Variants in FBXL17 observed in about 807,000 individuals in gnomAD.
FBXL17 encodes F-box and leucine rich repeat protein 17, also known as F-box/LRR-repeat protein 17.
Under a neutral mutation model 66.2 loss-of-function variants are expected in FBXL17, and 22 were observed. That is an observed-to-expected ratio of 0.33 (90% CI 0.24 to 0.47). The LOEUF is 0.47. FBXL17 is among the 20% of genes least tolerant of loss of function. FBXL17 has a pLI of 1.00. For missense variants in FBXL17, 878 were observed against 948.2 expected (o/e 0.93, Z 0.97); for synonymous variants, 474 against 400.5 (o/e 1.18, Z -2.19).
intron 7 of FBXL17, among the ~76,000 whole-genome samples, chr5:107,896,085 G>C (rs1007959657): frequency 1.3e-5 from 2 of 152,028 alleles, no homozygotes; most frequent in Non-Finnish European, 2.9e-5. Context: ...CACCTCTTCA[G>C]GGACTGGTAT....
intron 7 of FBXL17, among the ~76,000 whole-genome samples, chr5:107,902,325 A>C (rs1749594235): frequency 1.3e-5 from 2 of 152,212 alleles, no homozygotes; most frequent in Non-Finnish European, 2.9e-5. Context: ...AAAGGACAAG[A>C]GATTTCTCTG....
intron 1 of FBXL17, among the ~76,000 whole-genome samples, 181 bp downstream of exon 1, chr5:108,380,518 T>C (rs916096006): frequency 6.6e-6 from 1 of 152,132 alleles, no homozygotes; most frequent in Non-Finnish European, 1.5e-5. Flanking sequence ...CAAGTGCTCC[T>C]ACTTCAAAAA....
At chr5:107,930,786 C>A (rs1750703421) in intron 7 of FBXL17, among the ~76,000 whole-genome samples, 1 of 152,142 alleles carries the variant, frequency 6.6e-6, no homozygotes, top group Non-Finnish European at 1.5e-5. Flanking sequence ...AACTATTATG[C>A]ATGCATATTT....
chr5:108,188,978 G>T (rs1299848387), intron 5 of FBXL17, among the ~76,000 whole-genome samples: 1 of 152,186 alleles, frequency 6.6e-6, no homozygotes, highest in African/African-American at 2.4e-5. Context: ...AACGCTCTTT[G>T]CTGTGCTTTC....
intron 7 of FBXL17, among the ~76,000 whole-genome samples, chr5:108,019,855 G>GA (rs1455718290): frequency 6.6e-6 from 1 of 151,326 alleles, no homozygotes; most frequent in African/African-American, 2.4e-5. Flanking sequence ...GCAAAATTAG[G>GA]AAAAAACTCA....
chr5:108,336,503 A>G (rs1293428330), intron 4 of FBXL17, among the ~76,000 whole-genome samples: 1 of 152,210 alleles, frequency 6.6e-6, no homozygotes, highest in Non-Finnish European at 1.5e-5. Flanking sequence ...TGCCTGAAAC[A>G]GAAGGATGAA....
chr5:108,154,620 C>CAT (rs1751908959), intron 6 of FBXL17, among the ~76,000 whole-genome samples: 1 of 83,646 alleles, frequency 1.2e-5, no homozygotes, highest in Admixed American at 1.0e-4. Flanking sequence ...TATATATACA[C>CAT]ACACACACAC....
intron 4 of FBXL17, among the ~76,000 whole-genome samples, chr5:108,230,982 A>G (rs920894792): frequency 6.6e-6 from 1 of 152,156 alleles, no homozygotes; most frequent in Admixed American, 6.6e-5. Context: ...GCCCTGGCAC[A>G]GACCTATTAA....
intron 6 of FBXL17, among the ~76,000 whole-genome samples, chr5:108,095,244 AT>A (rs955573763): frequency 2.2e-4 from 33 of 147,508 alleles, no homozygotes; most frequent in Non-Finnish European, 3.8e-4. Context: ...ATACCATCAA[AT>A]GGTTAAAAAA....
intron 6 of FBXL17, among the ~76,000 whole-genome samples, chr5:108,040,646 C>G (rs982267460): frequency 6.6e-6 from 1 of 152,038 alleles, no homozygotes. Context: ...TAATATAATC[C>G]TTTCTACATA....
chr5:108,010,580 A>G (rs993249630), intron 7 of FBXL17, among the ~76,000 whole-genome samples: 2 of 152,234 alleles, frequency 1.3e-5, no homozygotes, highest in Non-Finnish European at 2.9e-5. Flanking sequence ...TTCGGGATGT[A>G]GCACAGACTT....
At chr5:108,030,962 A>T (rs1746601373) in intron 6 of FBXL17, among the ~76,000 whole-genome samples, 1 of 152,134 alleles carries the variant, frequency 6.6e-6, no homozygotes, top group African/African-American at 2.4e-5. Context: ...GAGATCTTTT[A>T]TTGAAAGGTA....
intron 6 of FBXL17, among the ~76,000 whole-genome samples, chr5:108,026,746 T>G (rs1224794687): frequency 2.0e-5 from 3 of 152,200 alleles, no homozygotes; most frequent in Non-Finnish European, 4.4e-5. Flanking sequence ...TGAGATTAAT[T>G]TAAGCTCTTG....
At chr5:108,374,187 G>A (rs1749260995) in intron 1 of FBXL17, among the ~76,000 whole-genome samples, 1 of 152,130 alleles carries the variant, frequency 6.6e-6, no homozygotes, top group Non-Finnish European at 1.5e-5. Context: ...ACTTGAACAA[G>A]ACTTAAACAT....
intron 7 of FBXL17, among the ~76,000 whole-genome samples, chr5:107,952,183 T>C (rs1217768991): frequency 6.6e-6 from 1 of 152,154 alleles, no homozygotes; most frequent in Non-Finnish European, 1.5e-5. Context: ...AAACATAAAA[T>C]AAATAACTGA....
At chr5:108,300,781 A>G (rs1758553345) in intron 4 of FBXL17, among the ~76,000 whole-genome samples, 1 of 151,792 alleles carries the variant, frequency 6.6e-6, no homozygotes, top group Admixed American at 6.6e-5. Flanking sequence ...CCTTGCATCT[A>G]TATAATGAAG....
At chr5:107,885,560 C>G (rs1748938615) in intron 7 of FBXL17, among the ~76,000 whole-genome samples, 1 of 152,144 alleles carries the variant, frequency 6.6e-6, no homozygotes, top group Non-Finnish European at 1.5e-5. Flanking sequence ...AACCACACAA[C>G]TGAATAATAC....
chr5:108,017,813 C>T (rs964348933), intron 7 of FBXL17, among the ~76,000 whole-genome samples: 1 of 152,092 alleles, frequency 6.6e-6, no homozygotes, highest in African/African-American at 2.4e-5. Flanking sequence ...TTTATAGTTG[C>T]TACCCTTTAC....
At chr5:108,079,838 T>G (rs1486796463) in intron 6 of FBXL17, among the ~76,000 whole-genome samples, 1 of 152,188 alleles carries the variant, frequency 6.6e-6, no homozygotes, top group African/African-American at 2.4e-5. Context: ...TGGGCCTAAT[T>G]TACACAATAA....
Sources: allele counts gnomAD v4.1 joint callset (sites outside exome capture counted in the v4.1 genomes callset), GRCh38; gene constraint gnomAD v4.1.1; transcripts MANE v1.5; gene names NCBI Gene and HGNC (gene_info 2026-07-23, HGNC 2026-07-21).